RAB44: variants seen among roughly 807,000 people sequenced by gnomAD.
RAB44 encodes the protein RAB44, member RAS oncogene family, also known as ras-related protein Rab-44.
Under a neutral mutation model 93.3 loss-of-function variants are expected in RAB44, and 67 were observed. That is an observed-to-expected ratio of 0.72 (90% confidence interval 0.59 to 0.88). The LOEUF (loss-of-function observed/expected upper bound fraction) is 0.88, where lower values mean the gene tolerates loss of function less well. Among genes scored for constraint, RAB44 ranks in the 40% least tolerant of loss-of-function variants. The probability of loss-of-function intolerance (pLI) is 0.00; values close to 1 mark genes in which losing one functional copy is unlikely to be tolerated. For synonymous variants in RAB44, 427 were observed against 520.3 expected (o/e 0.82, Z 2.44); for missense variants, 1,064 against 1,261.7 (o/e 0.84, Z 2.37).
chr6:36,704,323 G>A lies in RAB44; in HGVS notation c.88G>A (p.Gly30Ser), dbSNP rs1320824090. Residue 30 changes from glycine to serine, a missense_variant, in exon 2 of 14, where the codon GGC (glycine) becomes AGC (serine). By Grantham distance (56) the Gly-to-Ser change is moderately conservative. Coordinates refer to ENST00000612677, the MANE Select transcript of RAB44 (RefSeq NM_001257357.2). ...GACAAGAGAGCCAGCTGATGGTGAAGGCGCTGCAGTGGCCCCAGAGCCAGA... is the reference window on the plus strand; with the variant it reads ...GACAAGAGAGCCAGCTGATGGTGAAAGCGCTGCAGTGGCCCCAGAGCCAGA... ...RQTREPADGE[G>S]AAVAPEPESW... 6.5e-7 allele frequency: 1 copy of A among 1,536,154 alleles called. No individual in the cohort carries two copies. Among genetic ancestry groups the A allele is most frequent in the Admixed American group, 2.0e-5 (1 of 51,002 alleles).
chr6:36,718,140 G>C (rs1762972911), intron 6 of RAB44, 22 bp downstream of exon 6: 1 of 1,227,474 alleles, frequency 8.1e-7, no homozygotes, highest in African/African-American at 1.6e-5. Context: ...CCGGCAGCCT[G>C]CCTCCTTCCC....
In RAB44 at chr6:36,704,288, G is replaced by A. The variant is rs74376539; in HGVS notation, c.53G>A (p.Arg18Gln). ...AAAGTCCGGAAGCTGGGCTCCAACCGGCGGCGGCAGACAAGAGAGCCAGCT... is the reference window on the plus strand; with the variant it reads ...AAAGTCCGGAAGCTGGGCTCCAACCAGCGGCGGCAGACAAGAGAGCCAGCT... ...SRKVRKLGSN[R>Q]RRQTREPADG... is the part of the protein sequence containing the mutation. Residue 18 changes from arginine to glutamine, a missense_variant, in exon 2 of 14, where the codon CGG (arginine) becomes CAG (glutamine). Transcript: ENST00000612677. 1,326 of 1,536,148 alleles carry A rather than the reference G, an allele frequency of 8.6e-4. 13 individuals are homozygous for A. The East Asian group carries it at 0.024, about 28-fold the overall frequency.
chr6:36,701,545 A>T (rs941231380), intron 1 of RAB44, among the ~76,000 whole-genome samples: 1 of 152,192 alleles, frequency 6.6e-6, no homozygotes, highest in Non-Finnish European at 1.5e-5. Flanking sequence ...ATCAGGGTTA[A>T]GTATAATCTC....
chr6:36,721,986 T>C lies in RAB44; in HGVS notation c.1852T>C (p.Phe618Leu), dbSNP rs1192515087. 2.4e-6 allele frequency: 3 copies of C among 1,234,614 alleles called. No individual in the cohort carries two copies. Among genetic ancestry groups the C allele is most frequent in the Non-Finnish European group, 2.0e-6 (2 of 988,396 alleles). The allele number at this position is 1,234,614 out of a possible 1,614,324, so 76.5% of individuals were successfully genotyped here. A position where few individuals can be genotyped will look rare whatever the true frequency, so the allele number is the denominator to read the frequency against. ...CCTCACCCTGGGGCCAGCTGAGCCC[T>C]TCCAGGGCCTGGAATTTGTGGGTCC... Reference protein sequence around the residue: ...RALTLGPAEPFQGLEFVGPVP... With the variant: ...RALTLGPAEPLQGLEFVGPVP... The change falls in exon 9 of 14, where the codon TTC becomes CTC. Residue 618 changes from phenylalanine to leucine, a missense_variant. By Grantham distance (22) the Phe-to-Leu change is conservative (BLOSUM62 0). Coordinates refer to ENST00000612677, the MANE Select transcript of RAB44 (RefSeq NM_001257357.2).
chr6:36,709,618 C>A (rs1762732649), intron 2 of RAB44, among the ~76,000 whole-genome samples: 1 of 151,984 alleles, frequency 6.6e-6, no homozygotes, highest in Admixed American at 6.6e-5. Context: ...TGCAGTGGCG[C>A]AATCTCAGCT....
Position 36,718,496 on chromosome 6 carries a change from G to C in RAB44, c.736G>C (p.Asp246His). ...QEKQQLQAES[D>H]SRGLALTSQM... ...GCTGAATCTACCTACTCCACAGAGCGACTCTCGGGGCCTGGCCCTCACCTC... is the reference window on the plus strand; with the variant it reads ...GCTGAATCTACCTACTCCACAGAGCCACTCTCGGGGCCTGGCCCTCACCTC... Residue 246 changes from aspartate to histidine, a missense_variant, in exon 7 of 14, where the codon GAC becomes CAC. Asp to His is a moderately conservative substitution (Grantham distance 81, BLOSUM62 -1). Transcript: ENST00000612677. 1 of 1,231,310 alleles carries C rather than the reference G, an allele frequency of 8.1e-7. No homozygotes were observed. Among genetic ancestry groups the C allele is most frequent in the Non-Finnish European group, 1.0e-6 (1 of 986,296 alleles). The allele number at this position is 1,231,310 out of a possible 1,614,324, so 76.3% of individuals were successfully genotyped here.
rs1017937559 is a variant in RAB44 at position 36,714,051 on chromosome 6, C to A, written c.319+112C>A. On this transcript the variant is annotated intron_variant, in intron 3 of 13. Transcript: ENST00000612677. Reference sequence around the variant, plus strand: ...CAACCCTTTTCCCAGGGACTTTCACCCCCCATCCCCGGCTGCCACAGTGGT... The same window carrying A: ...CAACCCTTTTCCCAGGGACTTTCACACCCCATCCCCGGCTGCCACAGTGGT... 8.5e-5 allele frequency: 59 copies of A among 693,616 alleles called. 1 individual carries two copies. The highest frequency in any genetic ancestry group is 1.4e-4 in the Non-Finnish European group (57 of 401,114). The allele number at this position is 693,616 out of a possible 1,614,324, so 43.0% of individuals were successfully genotyped here.
At position 36,732,201 on chromosome 6, in the gene RAB44, C is replaced by A; in HGVS notation, c.*108C>A. The A allele has an allele frequency of 1.6e-6, 1 of 637,504 alleles. No individual in the cohort carries two copies. The highest frequency in any genetic ancestry group is 2.7e-4 in the Middle Eastern group (1 of 3,698). 39.5% of individuals were successfully genotyped at this position (637,504 alleles called of 1,614,324 possible). On this transcript the variant is annotated 3_prime_UTR_variant, in exon 14 of 14. Transcript: ENST00000612677. ...GACACAGAGGACCAGCTTGGAGGTT[C>A]AGGAAAACCCTTCTCAACTCAGGAC...
At position 36,711,059 on chromosome 6, in the gene RAB44, T is replaced by C. The variant is rs376385778; in HGVS notation, c.208-2769T>C. 3.3e-5 allele frequency among the ~76,000 whole-genome samples: 5 copies of C among 152,362 alleles called. No individual in the cohort carries two copies. The East Asian group carries it at 7.7e-4, about 23-fold the overall frequency. On this transcript the variant is annotated intron_variant, in intron 2 of 13. Coordinates refer to ENST00000612677, the MANE Select transcript of RAB44 (RefSeq NM_001257357.2). ...ATGCCTAGCAATCAATGTTTCAGTA[T>C]TAAATTTGTTTTAGAAATTATCCAG...
Position 36,722,733 on chromosome 6 carries a change from G to T in RAB44, c.2599G>T (p.Gly867Ter). The change falls in exon 9 of 14, where the codon GGA becomes TGA. Residue 867 changes from glycine to a stop codon, truncating the protein, a stop_gained and splice_region_variant. Transcript: ENST00000612677. LOFTEE classifies it high-confidence loss of function. Reference sequence around the variant, plus strand: ...CGCCACCGGATTGACAGCTACCGTGGGTAAGGGCATTGGGGAGGGCGGCAG... The same window carrying T: ...CGCCACCGGATTGACAGCTACCGTGTGTAAGGGCATTGGGGAGGGCGGCAG... The part of the protein sequence containing the change: ...SFATGLTATV[G>*]VDFRVKTLLV... The T allele has an allele frequency of 6.4e-7, 1 of 1,550,602 alleles. No homozygotes were observed. The highest frequency in any genetic ancestry group is 1.2e-5 in the South Asian group (1 of 84,052).
chr6:36,728,903 C>G, intron 12 of RAB44, 102 bp downstream of exon 12: 1 of 959,800 alleles, frequency 1.0e-6, no homozygotes, highest in Non-Finnish European at 1.6e-6. Flanking sequence ...CCGAGAAGAA[C>G]CCGTGGCCCA....
intron 9 of RAB44, among the ~76,000 whole-genome samples, chr6:36,724,098 T>C: frequency 6.6e-6 from 1 of 151,972 alleles, no homozygotes. Context: ...TGGCCTGATG[T>C]TGAGTGGGGT....
Position 36,725,772 on chromosome 6 carries a change from G to T in RAB44, c.2600-90G>T, listed in dbSNP as rs1322913028. On this transcript the variant is annotated intron_variant, in intron 9 of 13. Coordinates refer to ENST00000612677, the MANE Select transcript of RAB44 (RefSeq NM_001257357.2). ...CAAGGGCTCCATCGCACCGCAGCTG[G>T]TACAGGGGACAGGTGTATACTGGGG... 11 of 852,026 alleles carry T rather than the reference G, an allele frequency of 1.3e-5. No homozygotes were observed. The South Asian group carries it at 1.4e-4, about 11-fold the overall frequency. 52.8% of individuals were successfully genotyped at this position (852,026 alleles called of 1,614,324 possible).
At chr6:36,713,980 C>A in intron 3 of RAB44, 41 bp downstream of exon 3, 1 of 1,288,482 alleles carries the variant, frequency 7.8e-7, no homozygotes, top group Non-Finnish European at 1.1e-6. Context: ...CCCAGGTGTT[C>A]CGTGCAGTGT....
intron 9 of RAB44, among the ~76,000 whole-genome samples, chr6:36,724,621 C>T (rs542190262): frequency 6.6e-6 from 1 of 152,108 alleles, no homozygotes; most frequent in Non-Finnish European, 1.5e-5. Flanking sequence ...AAGAAAAACA[C>T]AGCTGCATAA....
chr6:36,726,121 G>A (rs1404048858), intron 10 of RAB44, among the ~76,000 whole-genome samples, 178 bp downstream of exon 10: 1 of 152,168 alleles, frequency 6.6e-6, no homozygotes, highest in African/African-American at 2.4e-5. Flanking sequence ...CAGAGCCAGA[G>A]GTCCCTCAGC....
At position 36,715,623 on chromosome 6, in the gene RAB44, A is replaced by T; in HGVS notation, c.464A>T (p.Glu155Val). ...EEKEAFLAFM[E>V]QLGTGHLLPK... ...AAGGAGGCGTTCCTTGCCTTCATGG[A>T]GCAGCTGGGGACTGGACACTTACTT... The change falls in exon 4 of 14, where the codon GAG (glutamate) becomes GTG (valine). Residue 155 changes from glutamate to valine, a missense_variant. By Grantham distance (121) the Glu-to-Val change is moderately radical (BLOSUM62 -2). Transcript: ENST00000612677. The T allele has an allele frequency of 6.5e-7, 1 of 1,536,132 alleles. No homozygotes were observed. Among genetic ancestry groups the T allele is most frequent in the Non-Finnish European group, 8.7e-7 (1 of 1,146,916 alleles).
rs1211121354 is a variant in RAB44 at position 36,715,656 on chromosome 6, A to G, written c.494+3A>G. ...GGGACTGGACACTTACTTCCCAAGT[A>G]AGGCCAGGGCGGCATGTGCATGGGG... On this transcript the variant is annotated splice_donor_region_variant and intron_variant, in intron 4 of 13. Transcript: ENST00000612677. The G allele has an allele frequency of 6.5e-7, 1 of 1,535,714 alleles. No individual in the cohort carries two copies. The highest frequency in any genetic ancestry group is 1.4e-5 in the African/African-American group (1 of 73,046).
At position 36,721,513 on chromosome 6, in the gene RAB44, C is replaced by A. The variant is rs1186320101; in HGVS notation, c.1379C>A (p.Pro460His). The change falls in exon 9 of 14, where the codon CCT becomes CAT. Residue 460 changes from proline (P) to histidine (H), a missense_variant. Transcript: ENST00000612677. ...GAGCAGGACATTAGAGCAGAGCAGC[C>A]TGTTGAACCGCACGACCCGGACCCC... is the stretch of plus-strand genomic sequence containing the variant. ...PHEQDIRAEQ[P>H]VEPHDPDPNQ... 1 of 1,234,434 alleles carries A rather than the reference C, an allele frequency of 8.1e-7. No homozygotes were observed. Among genetic ancestry groups the A allele is most frequent in the Non-Finnish European group, 1.0e-6 (1 of 988,340 alleles). 76.5% of individuals were successfully genotyped at this position (1,234,434 alleles called of 1,614,324 possible).
Sources: allele counts gnomAD v4.1 joint callset (sites outside exome capture counted in the v4.1 genomes callset), GRCh38; gene constraint gnomAD v4.1.1; transcripts MANE v1.5; gene names NCBI Gene and HGNC (gene_info 2026-07-23, HGNC 2026-07-21).